DAZL: variants seen among roughly 807,000 people sequenced by gnomAD.
The protein encoded by DAZL is deleted in azoospermia like.
A neutral mutation model predicts 45.0 loss-of-function variants in DAZL; 4 were observed. That is an observed-to-expected ratio of 0.09 (90% CI 0.04 to 0.20). The LOEUF is 0.20. Ranked by LOEUF, DAZL falls within the 10% of genes least tolerant of loss-of-function variation. The pLI is 1.00. For missense variants in DAZL, 326 were observed against 351.3 expected, an observed-to-expected ratio of 0.93 and a Z score of 0.58; for synonymous variants, 122 against 112.4, an observed-to-expected ratio of 1.09 and a Z score of -0.54.
intron 1 of DAZL, among the ~76,000 whole-genome samples, chr3:16,598,827 A>C: frequency 6.7e-6 from 1 of 149,386 alleles, no homozygotes; most frequent in African/African-American, 2.5e-5. Flanking sequence ...CTTGTCACCC[A>C]GGCTGGAGTG....
chr3:16,596,944 A>T, intron 5 of DAZL, 44 bp downstream of exon 5: 1 of 1,612,954 alleles, frequency 6.2e-7, no homozygotes, highest in African/African-American at 1.3e-5. Flanking sequence ...AAAGCTACAC[A>T]ATTTCTTTTA....
In DAZL at chr3:16,605,191, C is replaced by T; in HGVS notation, c.3+12G>A. ...CGCCAGCCTTGCCCCTCGGGCCTCTCCCTCAACTCACCATGATGGCGGCAG... is the reference window on the plus strand; with the variant it reads ...CGCCAGCCTTGCCCCTCGGGCCTCTTCCTCAACTCACCATGATGGCGGCAG... On this transcript the variant is annotated intron_variant, in intron 1 of 10. Coordinates refer to ENST00000399444, the MANE Select transcript of DAZL (RefSeq NM_001351.4). 1 of 1,614,174 alleles carries T rather than the reference C, an allele frequency of 6.2e-7. No individual in the cohort carries two copies. Among genetic ancestry groups the T allele is most frequent in the Non-Finnish European group, 8.5e-7 (1 of 1,180,002 alleles).
Position 16,604,811 on chromosome 3 carries a change from T to C in DAZL, c.3+392A>G, listed in dbSNP as rs1694750806. 15 of 1,154,084 alleles carry C rather than the reference T, an allele frequency of 1.3e-5. 1 individual carries two copies. The highest frequency in any genetic ancestry group is 8.0e-5 in the South Asian group (4 of 49,814). 71.5% of individuals were successfully genotyped at this position (1,154,084 alleles called of 1,614,324 possible). ...GGAGTGGGGGAGGGGCGGAGGCGCG[T>C]GAGTGGGGGAGCGCGTGGGAGTGGG... is the stretch of plus-strand genomic sequence containing the variant. On this transcript the variant is annotated intron_variant, in intron 1 of 10. Coordinates refer to ENST00000399444, the MANE Select transcript of DAZL (RefSeq NM_001351.4).
chr3:16,588,480 T>G lies in DAZL; in HGVS notation c.*180A>C. ...CAACTATATTTCAACACAGAACCAG[T>G]TTCTAAATAAACATCTAATGAAGAA... On this transcript the variant is annotated 3_prime_UTR_variant, in exon 11 of 11. Transcript: ENST00000399444. The G allele has an allele frequency of 1.9e-6, 1 of 538,726 alleles. No individual in the cohort carries two copies. The allele number at this position is 538,726 out of a possible 1,614,324, so 33.4% of individuals were successfully genotyped here.
chr3:16,599,216 C>T (rs1470332314), intron 1 of DAZL, among the ~76,000 whole-genome samples: 2 of 151,226 alleles, frequency 1.3e-5, no homozygotes, highest in Admixed American at 6.6e-5. Context: ...TTGGAAAGTT[C>T]AGATTTGTAA....
At chr3:16,601,081 A>G (rs1243055094) in intron 1 of DAZL, among the ~76,000 whole-genome samples, 1 of 152,246 alleles carries the variant, frequency 6.6e-6, no homozygotes, top group Non-Finnish European at 1.5e-5. Context: ...CAGTGCCACA[A>G]GAATTGAGGA....
chr3:16,604,317 G>T, intron 1 of DAZL: 2 of 849,966 alleles, frequency 2.4e-6, no homozygotes, highest in Non-Finnish European at 3.6e-6. Context: ...TCACAAAAAC[G>T]CACACCCAAC....
chr3:16,593,813 A>G, intron 8 of DAZL, 45 bp from the exon 9 acceptor site: 1 of 1,275,152 alleles, frequency 7.8e-7, no homozygotes, highest in Non-Finnish European at 1.1e-6. Flanking sequence ...ATATACAGAT[A>G]TATTTAAAAG....
In DAZL at chr3:16,598,190, A is replaced by AGG; in HGVS notation, c.151-13_151-12insCC. 1 of 1,574,234 alleles carries AGG rather than the reference A, an allele frequency of 6.4e-7. No individual in the cohort carries two copies. Among genetic ancestry groups the AGG allele is most frequent in the Non-Finnish European group, 8.7e-7 (1 of 1,146,934 alleles). ...TCAGTTTCATCCATCTATGGAAAAGAATTGAACTTCAAGAGTAAAAATTCA... is the reference window on the plus strand; with the variant it reads ...TCAGTTTCATCCATCTATGGAAAAGAGGATTGAACTTCAAGAGTAAAAATTCA... On this transcript the variant is annotated splice_polypyrimidine_tract_variant and intron_variant, in intron 2 of 10. Transcript: ENST00000399444.
In DAZL at chr3:16,591,385, CT is replaced by C. The variant is rs376261602; in HGVS notation, c.834+664del. ...CTCCCTTCACACTGTTCAGGTATAT[CT>C]TCTGAGTAAACCATTTCTTTTCTTC... On this transcript the variant is annotated intron_variant, in intron 10 of 10. Coordinates refer to ENST00000399444, the MANE Select transcript of DAZL (RefSeq NM_001351.4). Among the ~76,000 whole-genome samples, 223 of 151,998 alleles carry C rather than the reference CT, an allele frequency of 1.5e-3. 1 individual carries two copies. Among genetic ancestry groups the C allele is most frequent in the Middle Eastern group, 6.8e-3 (2 of 294 alleles).
intron 1 of DAZL, 44 bp downstream of exon 1, chr3:16,605,159 A>G: frequency 1.9e-6 from 3 of 1,613,658 alleles, no homozygotes; most frequent in Non-Finnish European, 2.5e-6. Flanking sequence ...CCCACGAGTG[A>G]AGACTCCGCC....
chr3:16,590,215 A>T (rs2125043327), intron 10 of DAZL, among the ~76,000 whole-genome samples: 1 of 126,670 alleles, frequency 7.9e-6, no homozygotes, highest in Middle Eastern at 4.4e-3. Context: ...TATACTATCT[A>T]TGTAGAATGA....
intron 9 of DAZL, 21 bp from the exon 10 acceptor site, chr3:16,592,169 G>A: frequency 1.9e-6 from 3 of 1,609,236 alleles, no homozygotes; most frequent in African/African-American, 2.7e-5. Context: ...GAAGTTTTCA[G>A]TAATGTAAAG....
intron 1 of DAZL, among the ~76,000 whole-genome samples, chr3:16,599,698 G>C (rs947307668): frequency 6.6e-6 from 1 of 152,138 alleles, no homozygotes; most frequent in Non-Finnish European, 1.5e-5. Flanking sequence ...GATCAGAACT[G>C]TCTTTATTCT....
At chr3:16,594,687 T>C in intron 7 of DAZL, 104 bp from the exon 8 acceptor site, 1 of 683,372 alleles carries the variant, frequency 1.5e-6, no homozygotes, top group Non-Finnish European at 2.3e-6. Context: ...GCTGGCTCCT[T>C]TGTTGTTATA....
chr3:16,605,333 A>G lies in DAZL; in HGVS notation c.-128T>C. 8.6e-7 allele frequency: 1 copy of G among 1,156,108 alleles called. No homozygotes were observed. The highest frequency in any genetic ancestry group is 1.3e-6 in the Non-Finnish European group (1 of 764,088). The allele number at this position is 1,156,108 out of a possible 1,614,324, so 71.6% of individuals were successfully genotyped here. Reference sequence around the variant, plus strand: ...GCGGCTTCGAGTGGTCAAAGGAGCCAAAGATGAAGAGAAAAGGAAAACCAA... The same window carrying G: ...GCGGCTTCGAGTGGTCAAAGGAGCCGAAGATGAAGAGAAAAGGAAAACCAA... On this transcript the variant is annotated 5_prime_UTR_variant, in exon 1 of 11. Transcript: ENST00000399444.
chr3:16,592,252 G>C, intron 9 of DAZL, 104 bp from the exon 10 acceptor site: 4 of 1,507,326 alleles, frequency 2.7e-6, no homozygotes, highest in Non-Finnish European at 3.6e-6. Flanking sequence ...TATTTCTAAA[G>C]AAATGCAAAA....
Position 16,605,407 on chromosome 3 carries a change from A to T in DAZL, c.-202T>A. ...CCCCGAAAGGCGGACCGTCAGGCTG[A>T]GGAGCGCAGGCGGACTGAGGCGTGG... is the stretch of plus-strand genomic sequence containing the variant. On this transcript the variant is annotated 5_prime_UTR_variant, in exon 1 of 11. Transcript: ENST00000399444. The T allele has an allele frequency of 3.0e-6, 2 of 671,988 alleles. No homozygotes were observed. The highest frequency in any genetic ancestry group is 3.4e-5 in the South Asian group (2 of 58,108). 41.6% of individuals were successfully genotyped at this position (671,988 alleles called of 1,614,324 possible).
chr3:16,603,191 T>C (rs976629524), intron 1 of DAZL, among the ~76,000 whole-genome samples: 1 of 152,226 alleles, frequency 6.6e-6, no homozygotes, highest in African/African-American at 2.4e-5. Flanking sequence ...CATAATTTGA[T>C]AGGCGAGGAT....
Sources: gnomAD v4.1 joint callset for allele counts (sites outside exome capture counted in the v4.1 genomes callset) on GRCh38, gnomAD v4.1.1 for gene constraint, MANE v1.5 for transcripts, NCBI Gene and HGNC (gene_info 2026-07-23, HGNC 2026-07-21) for gene names.